Variants in MEGF8 observed in about 807,000 individuals in gnomAD.
The protein encoded by MEGF8 is multiple epidermal growth factor-like domains protein 8.
A neutral mutation model predicts 302.9 loss-of-function variants in MEGF8; 156 were observed. That is an observed-to-expected ratio of 0.52 (90% CI 0.45 to 0.59). The LOEUF is 0.59. Among genes scored for constraint, MEGF8 ranks in the 20% least tolerant of loss-of-function variants. The pLI is 0.00. For synonymous variants in MEGF8, 1,621 were observed against 1,660.5 expected (o/e 0.98, Z 0.58); for missense variants, 3,345 against 3,964.5 (o/e 0.84, Z 4.20).
chr19:42,338,825 A>ATTTTTTTTTTTTTTTTTTTTTTTTTTTTT (rs55994617), intron 8 of MEGF8, among the ~76,000 whole-genome samples: 1 of 47,146 alleles, frequency 2.1e-5, no homozygotes, highest in Non-Finnish European at 4.5e-5. Context: ...CTTTCTATGT[A>ATTTTTTTTTTTTTTTTTTTTTTTTTTTTT]TTTTTTTTTT....
At position 42,342,810 on chromosome 19, in the gene MEGF8, G is replaced by A. The variant is rs552973839; in HGVS notation, c.1514-667G>A. Among the ~76,000 whole-genome samples the A allele has an allele frequency of 1.1e-4, 17 of 150,706 alleles. No individual in the cohort carries two copies. In the South Asian group the frequency reaches 3.6e-3, roughly 32 times the overall value. On this transcript the variant is annotated intron_variant, in intron 8 of 41. Coordinates refer to ENST00000251268, the MANE Select transcript of MEGF8 (RefSeq NM_001271938.2). Reference sequence around the variant, plus strand: ...TGTAGATGGTCACAGGCAGCTCGTGGATTATCTTCTGCCATAAAATGCCCA... The same window carrying A: ...TGTAGATGGTCACAGGCAGCTCGTGAATTATCTTCTGCCATAAAATGCCCA...
Position 42,352,349 on chromosome 19 carries a change from C to T in MEGF8, c.3243C>T (p.Gly1081=), listed in dbSNP as rs751398802. 1 of 1,588,546 alleles carries T rather than the reference C, an allele frequency of 6.3e-7. No homozygotes were observed. The highest frequency in any genetic ancestry group is 1.8e-5 in the Admixed American group (1 of 55,984). The part of the protein sequence containing the change: ...RCPDVDECRL[G]LARCHPRATC... ...CTGACGTGGATGAGTGTCGCCTGGGCCTGGCCCGGTGCCACCCGCGGGCGA... is the reference window on the plus strand; with the variant it reads ...CTGACGTGGATGAGTGTCGCCTGGGTCTGGCCCGGTGCCACCCGCGGGCGA... The change falls in exon 19 of 42, where the codon GGC becomes GGT. Residue 1081 remains glycine, a synonymous_variant. Coordinates refer to ENST00000251268, the MANE Select transcript of MEGF8 (RefSeq NM_001271938.2). The surrounding 1 kb of genome is among the most constrained non-coding windows in gnomAD (Gnocchi z 4.4).
intron 31 of MEGF8, 100 bp from the exon 32 acceptor site, chr19:42,360,675 C>T: frequency 6.6e-7 from 1 of 1,518,750 alleles, no homozygotes; most frequent in Non-Finnish European, 8.8e-7. Context: ...CCCTGTGTTT[C>T]TCCTCTTTCC....
In MEGF8 at chr19:42,326,179, G is replaced by T; in HGVS notation, c.-65G>T. ...TCGCATTTGCAGGGCCTCACCCCGG[G>T]TAGAGGGTCCTCTCCAGGTTTTTAC... On this transcript the variant is annotated 5_prime_UTR_variant, in exon 1 of 42. Coordinates refer to ENST00000251268, the MANE Select transcript of MEGF8 (RefSeq NM_001271938.2). The T allele has an allele frequency of 7.0e-7, 1 of 1,438,558 alleles. No individual in the cohort carries two copies. The highest frequency in any genetic ancestry group is 1.6e-5 in the South Asian group (1 of 61,398). The allele number at this position is 1,438,558 out of a possible 1,614,324, so 89.1% of individuals were successfully genotyped here. A position where few individuals can be genotyped will look rare whatever the true frequency, so the allele number is the denominator to read the frequency against.
In MEGF8 at chr19:42,375,802, A is replaced by G. The variant is rs929024043; in HGVS notation, c.7565A>G (p.His2522Arg). Residue 2522 changes from histidine to arginine, a missense_variant, in exon 42 of 42, where the codon CAT becomes CGT. Transcript: ENST00000251268. The surrounding 1 kb of genome is among the most constrained non-coding windows in gnomAD (Gnocchi z 7.1). Reference sequence around the variant, plus strand: ...CGTGTGGCCCCTGACACTGGCGTCCATACTGTACACATCCAGCCACCCCCA... The same window carrying G: ...CGTGTGGCCCCTGACACTGGCGTCCGTACTGTACACATCCAGCCACCCCCA... ...VVRVAPDTGV[H>R]TVHIQPPPAP... is the part of the protein sequence containing the mutation. The G allele has an allele frequency of 6.2e-6, 10 of 1,612,800 alleles. No individual in the cohort carries two copies. Among genetic ancestry groups the G allele is most frequent in the Non-Finnish European group, 8.5e-6 (10 of 1,179,790 alleles).
intron 32 of MEGF8, among the ~76,000 whole-genome samples, chr19:42,361,319 C>T (rs940323101): frequency 2.6e-5 from 4 of 152,140 alleles, no homozygotes; most frequent in African/African-American, 9.7e-5. Flanking sequence ...AAAGGGCTTC[C>T]CATGCCTGGC....
At position 42,357,623 on chromosome 19, in the gene MEGF8, C is replaced by T. The variant is rs1285161316; in HGVS notation, c.5011+39C>T. 2.0e-6 allele frequency: 3 copies of T among 1,533,720 alleles called. No individual in the cohort carries two copies. The highest frequency in any genetic ancestry group is 2.0e-5 in the Admixed American group (1 of 50,734). On this transcript the variant is annotated intron_variant, in intron 28 of 41. Coordinates refer to ENST00000251268, the MANE Select transcript of MEGF8 (RefSeq NM_001271938.2). The surrounding 1 kb of genome is among the most constrained non-coding windows in gnomAD (Gnocchi z 5.2). The stretch of plus-strand genomic sequence containing the variant: ...CCGGGAGGGGACAGCCCCCGTGGAC[C>T]TCCCGGGCATCTGGGCTTCCTGTGG...
Position 42,356,274 on chromosome 19 carries a change from C to A in MEGF8, c.4504-61C>A. On this transcript the variant is annotated intron_variant, in intron 25 of 41. Transcript: ENST00000251268. This position sits in a 1 kb window ranked among gnomAD's most constrained non-coding sequence, Gnocchi z 5.2. ...CTCCATTCCTGGGACCACCCCTACA[C>A]CCAGGCCTGGCACTTTGTCCTGACC... The A allele has an allele frequency of 6.4e-7, 1 of 1,557,280 alleles. No homozygotes were observed. Among genetic ancestry groups the A allele is most frequent in the Admixed American group, 1.9e-5 (1 of 51,968 alleles).
intron 12 of MEGF8, among the ~76,000 whole-genome samples, chr19:42,346,317 G>T (rs1021077668): frequency 1.3e-5 from 2 of 152,058 alleles, no homozygotes; most frequent in Non-Finnish European, 2.9e-5. Context: ...CGAGGTGGGC[G>T]GATCTCTTGA....
chr19:42,336,676 C>T lies in MEGF8; in HGVS notation c.1245-131C>T. On this transcript the variant is annotated intron_variant, in intron 6 of 41. Coordinates refer to ENST00000251268, the MANE Select transcript of MEGF8 (RefSeq NM_001271938.2). The surrounding 1 kb of genome is among the most constrained non-coding windows in gnomAD (Gnocchi z 4.8). Reference sequence around the variant, plus strand: ...TCAGGGTCCTGCCCACAGGGAACTTCTAGTTTGGAGGGGACATAGAGTCAG... The same window carrying T: ...TCAGGGTCCTGCCCACAGGGAACTTTTAGTTTGGAGGGGACATAGAGTCAG... 7.3e-7 allele frequency: 1 copy of T among 1,364,072 alleles called. No individual in the cohort carries two copies. The highest frequency in any genetic ancestry group is 2.4e-5 in the East Asian group (1 of 42,474). 84.5% of individuals were successfully genotyped at this position (1,364,072 alleles called of 1,614,324 possible).
At position 42,353,743 on chromosome 19, in the gene MEGF8, G is replaced by A. The variant is rs1238775552; in HGVS notation, c.3762-32G>A. The stretch of plus-strand genomic sequence containing the variant: ...GGACACAGTGGGGAGGGTCAGGACT[G>A]GTCTGACACTGGCTCTTCTCCATCT... On this transcript the variant is annotated intron_variant, in intron 21 of 41. Transcript: ENST00000251268. This position sits in a 1 kb window ranked among gnomAD's most constrained non-coding sequence, Gnocchi z 6.1. 5.1e-6 allele frequency: 8 copies of A among 1,580,676 alleles called. No individual in the cohort carries two copies. Among genetic ancestry groups the A allele is most frequent in the South Asian group, 2.3e-5 (2 of 86,090 alleles).
chr19:42,336,358 G>C lies in MEGF8; in HGVS notation c.1244+12G>C, dbSNP rs777009062. ...CCCTCCACTGCCCGGTAAGTGACCT[G>C]TCCCATAACCCATGCTCCACAGGCC... is the stretch of plus-strand genomic sequence containing the variant. On this transcript the variant is annotated intron_variant, in intron 6 of 41. Transcript: ENST00000251268. The surrounding 1 kb of genome is among the most constrained non-coding windows in gnomAD (Gnocchi z 4.8). The C allele has an allele frequency of 1.9e-6, 3 of 1,578,734 alleles. No homozygotes were observed. In the South Asian group the frequency reaches 3.5e-5, roughly 18 times the overall value.
intron 35 of MEGF8, among the ~76,000 whole-genome samples, chr19:42,363,619 A>C (rs917375731): frequency 2.6e-5 from 4 of 152,112 alleles, no homozygotes; most frequent in African/African-American, 9.7e-5. Context: ...TCATAGGTTC[A>C]CATCCACGAC....
rs1420921850 is a variant in MEGF8 at position 42,343,518 on chromosome 19, G to T, written c.1555G>T (p.Ala519Ser). Reference sequence around the variant, plus strand: ...CAGTGGTCGGTACTCACATGTAGCTGCGGTGCTTGGTGGCAGCGTCCTGTT... The same window carrying T: ...CAGTGGTCGGTACTCACATGTAGCTTCGGTGCTTGGTGGCAGCGTCCTGTT... ...PPSGRYSHVA[A>S]VLGGSVLLVA... is the part of the protein sequence containing the mutation. Residue 519 changes from alanine (A) to serine (S), a missense_variant, in exon 9 of 42, where the codon GCG becomes TCG. Physicochemically the swap from Ala to Ser is moderately conservative, Grantham distance 99. Transcript: ENST00000251268. 3 of 1,613,396 alleles carry T rather than the reference G, an allele frequency of 1.9e-6. No homozygotes were observed. The highest frequency in any genetic ancestry group is 2.5e-6 in the Non-Finnish European group (3 of 1,179,576).
chr19:42,337,450 C>G (rs2039143945), intron 8 of MEGF8, among the ~76,000 whole-genome samples: 1 of 152,088 alleles, frequency 6.6e-6, no homozygotes, highest in African/African-American at 2.4e-5. Context: ...CCAGCTGCCC[C>G]AGGGAAATGC....
At position 42,354,582 on chromosome 19, in the gene MEGF8, C is replaced by T. The variant is rs753867007; in HGVS notation, c.4012-6C>T. The T allele has an allele frequency of 6.2e-7, 1 of 1,610,930 alleles. No homozygotes were observed. Among genetic ancestry groups the T allele is most frequent in the African/African-American group, 1.3e-5 (1 of 74,890 alleles). On this transcript the variant is annotated splice_region_variant and splice_polypyrimidine_tract_variant and intron_variant, in intron 22 of 41. Transcript: ENST00000251268. This position sits in a 1 kb window ranked among gnomAD's most constrained non-coding sequence, Gnocchi z 4.3. ...TCTCCTAATCCTCGATTCTGCACCC[C>T]TCTAGCTGAGCTACGTCCTGGCGTT...
chr19:42,347,928 C>T (rs1024281674), intron 12 of MEGF8, among the ~76,000 whole-genome samples: 1 of 152,134 alleles, frequency 6.6e-6, no homozygotes, highest in African/African-American at 2.4e-5. Context: ...TTGTCTGCCA[C>T]TTTGAATATT....
chr19:42,356,632 G>A lies in MEGF8; in HGVS notation c.4623-142G>A, dbSNP rs2039456649. The stretch of plus-strand genomic sequence containing the variant: ...ACTTGGGGACCAGGGTACTTATTTG[G>A]GTGGTGCTACTCCAGGGAATGGCAA... On this transcript the variant is annotated intron_variant, in intron 26 of 41. Coordinates refer to ENST00000251268, the MANE Select transcript of MEGF8 (RefSeq NM_001271938.2). This position sits in a 1 kb window ranked among gnomAD's most constrained non-coding sequence, Gnocchi z 5.2. The A allele has an allele frequency of 1.0e-6, 1 of 983,920 alleles. No homozygotes were observed. The highest frequency in any genetic ancestry group is 1.7e-5 in the South Asian group (1 of 58,388). 60.9% of individuals were successfully genotyped at this position (983,920 alleles called of 1,614,324 possible). A position where few individuals can be genotyped will look rare whatever the true frequency, so the allele number is the denominator to read the frequency against.
Position 42,370,069 on chromosome 19 carries a change from C to G in MEGF8, c.6835-120C>G, listed in dbSNP as rs10406972. 6,364 of 1,143,854 alleles carry G rather than the reference C, an allele frequency of 5.6e-3. 243 individuals carry two copies. In the African/African-American group the frequency reaches 0.08, roughly 14 times the overall value. 70.9% of individuals were successfully genotyped at this position (1,143,854 alleles called of 1,614,324 possible). A position where few individuals can be genotyped will look rare whatever the true frequency, so the allele number is the denominator to read the frequency against. On this transcript the variant is annotated intron_variant, in intron 38 of 41. Transcript: ENST00000251268. ...TAAATCCCGCTGGGATTGTCCAAAC[C>G]AGGTACCCGAGCCTCTGCTGCCCTC... is the stretch of plus-strand genomic sequence containing the variant.
Sources: allele counts gnomAD v4.1 joint callset (sites outside exome capture counted in the v4.1 genomes callset), GRCh38; gene constraint gnomAD v4.1.1; non-coding constraint Gnocchi (gnomAD v3.1); transcripts MANE v1.5; gene names NCBI Gene and HGNC (gene_info 2026-07-23, HGNC 2026-07-21).